TMCO1: variants seen among roughly 807,000 people sequenced by gnomAD.
TMCO1 encodes calcium load-activated calcium channel.
A neutral mutation model predicts 29.3 loss-of-function variants in TMCO1; 29 were observed. The observed-to-expected ratio is 0.99, with a 90% CI of 0.74 to 1.35. The LOEUF (loss-of-function observed/expected upper bound fraction) is 1.35, where lower values mean the gene tolerates loss of function less well. Ranked by LOEUF, TMCO1 falls within the 40% of genes most tolerant of loss-of-function variation. The pLI is 0.00. For synonymous variants in TMCO1, 80 were observed against 77.1 expected, an observed-to-expected ratio of 1.04 and a Z score of -0.20; for missense variants, 173 against 225.5, an observed-to-expected ratio of 0.77 and a Z score of 1.49.
intron 2 of TMCO1, 58 bp downstream of exon 2, chr1:165,768,134 A>T: frequency 7.3e-7 from 1 of 1,362,930 alleles, no homozygotes; most frequent in Non-Finnish European, 1.0e-6. Context: ...TTTATTGTGA[A>T]CATGGACTTA....
chr1:165,761,498 G>A (rs1015884591), intron 2 of TMCO1, among the ~76,000 whole-genome samples: 5 of 151,784 alleles, frequency 3.3e-5, no homozygotes, highest in Non-Finnish European at 5.9e-5. Context: ...TCACTTCACT[G>A]CACTCCAGCC....
At chr1:165,725,522 TA>T (rs954865699), downstream of TMCO1, 31 of 454,010 alleles carry the variant, frequency 6.8e-5, no homozygotes, top group Non-Finnish European at 1.3e-4. Context: ...GCAACCTGAG[TA>T]GACTAATGCA....
At chr1:165,737,628 G>C (rs1382530102) in intron 6 of TMCO1, among the ~76,000 whole-genome samples, 1 of 152,036 alleles carries the variant, frequency 6.6e-6, no homozygotes, top group Non-Finnish European at 1.5e-5. Flanking sequence ...TTACTTACGA[G>C]GACACAAAGA....
In TMCO1 at chr1:165,727,495, T is replaced by C. The variant is rs1650949652; in HGVS notation, c.*528A>G. ...GTCCTTCCTGGCCCATGCTAAAACT[T>C]ATATCTAGAAATACGGCAAAACAAA... is the stretch of plus-strand genomic sequence containing the variant. On this transcript the variant is annotated 3_prime_UTR_variant, in exon 7 of 7. Transcript: ENST00000367881. The C allele has an allele frequency of 2.2e-6, 1 of 453,758 alleles. No homozygotes were observed. Among genetic ancestry groups the C allele is most frequent in the African/African-American group, 2.0e-5 (1 of 49,928 alleles). 28.1% of individuals were successfully genotyped at this position (453,758 alleles called of 1,614,324 possible).
chr1:165,736,370 A>G (rs1651383123), intron 6 of TMCO1, among the ~76,000 whole-genome samples: 1 of 152,226 alleles, frequency 6.6e-6, no homozygotes, highest in East Asian at 1.9e-4. Context: ...TACATTATCC[A>G]GGATATGATC....
At chr1:165,725,008 CTCTCTCTCTCTCTCTCTA>C (rs762098695), downstream of TMCO1, 330 of 276,122 alleles carry the variant, frequency 1.2e-3, 3 homozygotes, top group African/African-American at 9.9e-3. Context: ...CTCTCTCTCT[CTCTCTCTCTCTCTCTCTA>C]TATATATATA....
chr1:165,758,607 G>C (rs913065186), intron 3 of TMCO1, among the ~76,000 whole-genome samples: 5 of 151,680 alleles, frequency 3.3e-5, no homozygotes, highest in Non-Finnish European at 7.4e-5. Context: ...AAACAAAAAA[G>C]TACTTATCAT....
At chr1:165,768,330 G>A in intron 1 of TMCO1, 61 bp from the exon 2 acceptor site, 1 of 1,560,256 alleles carries the variant, frequency 6.4e-7, no homozygotes, top group Non-Finnish European at 8.8e-7. Flanking sequence ...AACAAACAAA[G>A]TGGTTACTGT....
At chr1:165,739,191 TTTAAC>T (rs1350361813) in intron 6 of TMCO1, among the ~76,000 whole-genome samples, 1 of 152,208 alleles carries the variant, frequency 6.6e-6, no homozygotes, top group Non-Finnish European at 1.5e-5. Flanking sequence ...ATTTTCTTAT[TTTAAC>T]TTAATAGCAT....
At chr1:165,767,946 GAGT>G (rs1457536082) in intron 2 of TMCO1, among the ~76,000 whole-genome samples, 3 of 152,150 alleles carry the variant, frequency 2.0e-5, no homozygotes, top group Non-Finnish European at 2.9e-5. Flanking sequence ...GGATTAACAG[GAGT>G]AAGCCACTGC....
intron 4 of TMCO1, among the ~76,000 whole-genome samples, chr1:165,752,525 G>T (rs1051609564): frequency 2.0e-5 from 3 of 151,638 alleles, no homozygotes; most frequent in Non-Finnish European, 4.4e-5. Flanking sequence ...AAAGTGCTGG[G>T]ATTACAGGCG....
At chr1:165,765,311 T>C (rs968163894) in intron 2 of TMCO1, among the ~76,000 whole-genome samples, 4 of 151,922 alleles carry the variant, frequency 2.6e-5, no homozygotes, top group African/African-American at 7.3e-5. Context: ...GAGACAAGAG[T>C]CTTGCACTGT....
At chr1:165,766,509 T>G (rs1652574379) in intron 2 of TMCO1, among the ~76,000 whole-genome samples, 1 of 152,160 alleles carries the variant, frequency 6.6e-6, no homozygotes, top group Non-Finnish European at 1.5e-5. Flanking sequence ...CAGTAAGGGC[T>G]GGGCACTGTG....
chr1:165,749,703 A>G (rs570471111), intron 5 of TMCO1, among the ~76,000 whole-genome samples: 1 of 152,174 alleles, frequency 6.6e-6, no homozygotes, highest in African/African-American at 2.4e-5. Context: ...CAGGAAAAAA[A>G]TTTTTCTATA....
At chr1:165,724,429 C>G, downstream of TMCO1, 3 of 454,076 alleles carry the variant, frequency 6.6e-6, no homozygotes, top group Non-Finnish European at 1.3e-5. Flanking sequence ...AGGTAAACAA[C>G]ACAACTTCTT....
chr1:165,758,410 G>T (rs747383169), intron 3 of TMCO1, among the ~76,000 whole-genome samples: 2 of 151,934 alleles, frequency 1.3e-5, no homozygotes, highest in Non-Finnish European at 2.9e-5. Context: ...ACAAAAATTA[G>T]CCAGGTGTGG....
Position 165,727,696 on chromosome 1 carries a change from G to A in TMCO1, c.*327C>T, listed in dbSNP as rs1279951637. The A allele has an allele frequency of 2.2e-6, 1 of 454,672 alleles. No homozygotes were observed. The highest frequency in any genetic ancestry group is 2.0e-5 in the African/African-American group (1 of 49,980). The allele number at this position is 454,672 out of a possible 1,614,324, so 28.2% of individuals were successfully genotyped here. A position where few individuals can be genotyped will look rare whatever the true frequency, so the allele number is the denominator to read the frequency against. ...TGCTCATAGACAGCCAACTTGCAGG[G>A]CATACACAGTGCCTTGAGAGTCGGT... On this transcript the variant is annotated 3_prime_UTR_variant, in exon 7 of 7. Transcript: ENST00000367881.
intron 5 of TMCO1, among the ~76,000 whole-genome samples, chr1:165,748,751 G>A (rs1280662110): frequency 6.6e-6 from 1 of 152,074 alleles, no homozygotes; most frequent in Admixed American, 6.6e-5. Flanking sequence ...ACATTCTATG[G>A]GTTTGGACAA....
intron 5 of TMCO1, among the ~76,000 whole-genome samples, chr1:165,745,462 C>T (rs1211352431): frequency 8.4e-6 from 1 of 118,346 alleles, no homozygotes; most frequent in Non-Finnish European, 1.7e-5. Flanking sequence ...CATGGCGAAA[C>T]CCTATCTCTA....
Sources: allele counts gnomAD v4.1 joint callset (sites outside exome capture counted in the v4.1 genomes callset), GRCh38; gene constraint gnomAD v4.1.1; transcripts MANE v1.5; gene names NCBI Gene and HGNC (gene_info 2026-07-23, HGNC 2026-07-21).